The following SGK1 variants were observed in gnomAD, a reference collection of about 807,000 sequenced individuals.
SGK1 encodes serum/glucocorticoid regulated kinase 1.
Under a neutral mutation model 64.2 loss-of-function variants are expected in SGK1, and 26 were observed. That is an observed-to-expected ratio of 0.40 (90% CI 0.30 to 0.56). The LOEUF (loss-of-function observed/expected upper bound fraction) is 0.56, where lower values mean the gene tolerates loss of function less well. Among genes scored for constraint, SGK1 ranks in the 20% least tolerant of loss-of-function variants. The probability of loss-of-function intolerance (pLI) is 0.38; values close to 1 mark genes in which losing one functional copy is unlikely to be tolerated. For synonymous variants in SGK1, 265 were observed against 239.7 expected, an observed-to-expected ratio of 1.11 and a Z score of -0.98; for missense variants, 519 against 645.6, an observed-to-expected ratio of 0.80 and a Z score of 2.12.
At chr6:134,306,132 G>C (rs1288121301) in intron 1 of SGK1, among the ~76,000 whole-genome samples, 2 of 152,150 alleles carry the variant, frequency 1.3e-5, no homozygotes, top group Non-Finnish European at 1.5e-5. Context: ...ATAAAAAATA[G>C]CACAAGGCCG....
intron 3 of SGK1, among the ~76,000 whole-genome samples, chr6:134,193,181 C>G (rs548847780): frequency 2.0e-4 from 30 of 152,198 alleles, no homozygotes; most frequent in Non-Finnish European, 3.5e-4. Context: ...TTCCTTGAAT[C>G]TCTACCTGAT....
chr6:134,289,681 T>C (rs943201380), intron 1 of SGK1, among the ~76,000 whole-genome samples: 3 of 152,104 alleles, frequency 2.0e-5, no homozygotes, highest in African/African-American at 7.2e-5. Context: ...CTAGCCACAA[T>C]TCAGGTGCTC....
chr6:134,286,626 C>G (rs184622981), intron 1 of SGK1, among the ~76,000 whole-genome samples: 2 of 151,904 alleles, frequency 1.3e-5, no homozygotes, highest in Non-Finnish European at 2.9e-5. Context: ...ACACGATGCC[C>G]GGCTAATTTT....
At chr6:134,297,892 C>A in intron 1 of SGK1, 1 of 808,014 alleles carries the variant, frequency 1.2e-6, no homozygotes, top group South Asian at 1.3e-5. Flanking sequence ...ATGCTCTCAG[C>A]CTCACTCCGG....
At position 134,171,255 on chromosome 6, in the gene SGK1, T is replaced by A. The variant is rs57787286; in HGVS notation, c.1168-77A>T. The A allele has an allele frequency of 8.0e-4, 1,050 of 1,308,206 alleles. 8 individuals carry two copies. In the African/African-American group the frequency reaches 0.013, roughly 16 times the overall value. 81.0% of individuals were successfully genotyped at this position (1,308,206 alleles called of 1,614,324 possible). ...CACATTACCAGTAGAGAAAAAGATA[T>A]AAACGGCAATAAATATTAGGCTCGA... On this transcript the variant is annotated intron_variant, in intron 11 of 13. Coordinates refer to ENST00000367858, the MANE Select transcript of SGK1 (RefSeq NM_001143676.3).
intron 3 of SGK1, among the ~76,000 whole-genome samples, chr6:134,182,696 C>A (rs191755219): frequency 1.2e-3 from 182 of 152,252 alleles, no homozygotes; most frequent in African/African-American, 4.1e-3. Flanking sequence ...AAGGCACTTG[C>A]ACAGCATGGG....
At chr6:134,243,220 G>C (rs1214539240) in intron 2 of SGK1, among the ~76,000 whole-genome samples, 1 of 152,010 alleles carries the variant, frequency 6.6e-6, no homozygotes, top group Admixed American at 6.6e-5. Context: ...TTAATATACT[G>C]ATGGTTCAGT....
In SGK1 at chr6:134,282,026, G is replaced by A. The variant is rs1464245734; in HGVS notation, c.70-19878C>T. ...TTTTAAATTCCCTCTAAGCCTTATA[G>A]GAAATGTATAATCCATTCTCTGGAC... is the stretch of plus-strand genomic sequence containing the variant. On this transcript the variant is annotated intron_variant, in intron 1 of 13. Transcript: ENST00000367858. Among the ~76,000 whole-genome samples the A allele has an allele frequency of 4.6e-5, 7 of 152,132 alleles. No individual in the cohort carries two copies. In the East Asian group the frequency reaches 1.3e-3, roughly 29 times the overall value.
rs561494422 is a variant in SGK1, at chr6:134,276,375, G to A, written c.70-14227C>T. On this transcript the variant is annotated intron_variant, in intron 1 of 13. Coordinates refer to ENST00000367858, the MANE Select transcript of SGK1 (RefSeq NM_001143676.3). Reference sequence around the variant, plus strand: ...AGAAGTAGGACCGGGCTGTGATGGGGATAGGTGAAATGCAGCATTTTGGAG... The same window carrying A: ...AGAAGTAGGACCGGGCTGTGATGGGAATAGGTGAAATGCAGCATTTTGGAG... Among the ~76,000 whole-genome samples the A allele has an allele frequency of 1.3e-3, 193 of 152,302 alleles. 3 individuals carry two copies. In the South Asian group the frequency reaches 0.038, roughly 30 times the overall value.
intron 3 of SGK1, among the ~76,000 whole-genome samples, chr6:134,191,968 G>A (rs1775519761): frequency 6.6e-6 from 1 of 150,754 alleles, no homozygotes; most frequent in Admixed American, 6.6e-5. Flanking sequence ...CCAAGTAGCT[G>A]GGACGGGGCC....
At chr6:134,274,883 G>A (rs1776997395) in intron 1 of SGK1, among the ~76,000 whole-genome samples, 1 of 152,010 alleles carries the variant, frequency 6.6e-6, no homozygotes, top group Non-Finnish European at 1.5e-5. Flanking sequence ...TTGGCTCACT[G>A]CAGCCTCTGC....
At chr6:134,210,811 CAAAAAAA>C (rs60820086) in intron 2 of SGK1, among the ~76,000 whole-genome samples, 64 of 50,818 alleles carry the variant, frequency 1.3e-3, no homozygotes, top group African/African-American at 3.8e-3. Flanking sequence ...GACTCCGTCT[CAAAAAAA>C]AAAAAAAAAA....
chr6:134,284,784 A>C (rs1312622296), intron 1 of SGK1, among the ~76,000 whole-genome samples: 1 of 152,120 alleles, frequency 6.6e-6, no homozygotes, highest in African/African-American at 2.4e-5. Context: ...ACACCCAGCC[A>C]ATATTTGGTT....
At chr6:134,247,078 C>G (rs744196) in intron 2 of SGK1, among the ~76,000 whole-genome samples, 43,834 of 151,606 alleles carry the variant, frequency 0.29, 7,750 homozygotes, top group African/African-American at 0.49. Context: ...AAAGTATTGA[C>G]GGGTCTTGTT....
intron 3 of SGK1, chr6:134,174,963 G>A: frequency 2.9e-6 from 4 of 1,363,966 alleles, no homozygotes; most frequent in Non-Finnish European, 3.9e-6. Context: ...CTCGCCCCTC[G>A]CCCCGCCCCG....
chr6:134,180,938 T>C (rs1178821220), intron 3 of SGK1, among the ~76,000 whole-genome samples: 1 of 151,880 alleles, frequency 6.6e-6, no homozygotes, highest in African/African-American at 2.4e-5. Context: ...GCATTTGCAT[T>C]TTAAAAGGCC....
chr6:134,262,729 C>T (rs1407786121), intron 1 of SGK1, among the ~76,000 whole-genome samples: 1 of 151,776 alleles, frequency 6.6e-6, no homozygotes, highest in Non-Finnish European at 1.5e-5. Context: ...ACAACAAACC[C>T]TCAAAACCCA....
At chr6:134,261,856 A>G in intron 2 of SGK1, 77 bp downstream of exon 2, 1 of 1,041,408 alleles carries the variant, frequency 9.6e-7, no homozygotes, top group Non-Finnish European at 1.5e-6. Context: ...TTTTGGGTAT[A>G]CTCTGGCAGA....
chr6:134,270,127 G>A (rs572264699), intron 1 of SGK1, among the ~76,000 whole-genome samples: 7 of 147,936 alleles, frequency 4.7e-5, no homozygotes, highest in Admixed American at 2.7e-4. Flanking sequence ...CTCCATGTTC[G>A]TCAGGCTGAT....
Sources: gnomAD v4.1 joint callset for allele counts (sites outside exome capture counted in the v4.1 genomes callset) on GRCh38, gnomAD v4.1.1 for gene constraint, MANE v1.5 for transcripts, NCBI Gene and HGNC (gene_info 2026-07-23, HGNC 2026-07-21) for gene names.